The following GALNT9 variants were observed in gnomAD, a reference collection of about 807,000 sequenced individuals.
GALNT9 encodes GalNAc transferase 9.
In GALNT9, 47 loss-of-function variants were observed where a neutral mutation model predicts 63.1. The ratio of observed to expected loss-of-function variants is 0.75; its 90% CI spans 0.59 to 0.95. GALNT9 has a LOEUF of 0.95. GALNT9 is among the 40% of genes least tolerant of loss of function. The pLI is 0.00. For missense variants in GALNT9, 829 were observed against 874.8 expected (o/e 0.95, Z 0.66); for synonymous variants, 396 against 365.7 (o/e 1.08, Z -0.94).
Position 132,201,192 on chromosome 12 carries a change from A to C in GALNT9, c.1333T>G (p.Phe445Val). The C allele has an allele frequency of 6.2e-7, 1 of 1,613,216 alleles. No homozygotes were observed. Among genetic ancestry groups the C allele is most frequent in the Non-Finnish European group, 8.5e-7 (1 of 1,179,418 alleles). The change falls in exon 8 of 11, where the codon TTC becomes GTC. Residue 445 changes from phenylalanine to valine, a missense_variant. Phe to Val is a conservative substitution (Grantham distance 50). Transcript: ENST00000328957. Reference sequence around the variant, plus strand: ...TACACGTTCTCCAGGTACCACTTGAAGCTGCGACACTTCAGCCTCTGACGC... The same window carrying C: ...TACACGTTCTCCAGGTACCACTTGACGCTGCGACACTTCAGCCTCTGACGC... ...ALRQRLKCRS[F>V]KWYLENVYPE...
chr12:132,245,181 C>T lies in GALNT9; in HGVS notation c.1077+2729G>A, dbSNP rs1878662487. Among the ~76,000 whole-genome samples, 1 of 152,054 alleles carries T rather than the reference C, an allele frequency of 6.6e-6. No individual in the cohort carries two copies. Among genetic ancestry groups the T allele is most frequent in the Non-Finnish European group, 1.5e-5 (1 of 67,996 alleles). Reference sequence around the variant, plus strand: ...TGTCAGCCAGGCGTGGTGGTTCACACCTGGAATCCCAGCACTGTGGGAGGC... The same window carrying T: ...TGTCAGCCAGGCGTGGTGGTTCACATCTGGAATCCCAGCACTGTGGGAGGC... On this transcript the variant is annotated intron_variant, in intron 6 of 10. Transcript: ENST00000328957. The surrounding 1 kb of genome is among the most constrained non-coding windows in gnomAD (Gnocchi z 6.3).
At position 132,286,533 on chromosome 12, in the gene GALNT9, G is replaced by A. The variant is rs782100211; in HGVS notation, c.239-103C>T. 1.2e-4 allele frequency: 170 copies of A among 1,438,412 alleles called. No homozygotes were observed. The highest frequency in any genetic ancestry group is 7.0e-4 in the East Asian group (28 of 39,954). 89.1% of individuals were successfully genotyped at this position (1,438,412 alleles called of 1,614,324 possible). A position where few individuals can be genotyped will look rare whatever the true frequency, so the allele number is the denominator to read the frequency against. On this transcript the variant is annotated intron_variant, in intron 1 of 10. Transcript: ENST00000328957. This position sits in a 1 kb window ranked among gnomAD's most constrained non-coding sequence, Gnocchi z 7.4. ...CCTCTCCCCGACGGCCGCTTCCCCC[G>A]GTACAAGCCCAGCAAACTCCCTGCA...
chr12:132,291,475 TCCACAGCACCCACAA>T (rs1250351748), intron 1 of GALNT9, among the ~76,000 whole-genome samples: 4 of 134,374 alleles, frequency 3.0e-5, no homozygotes, highest in African/African-American at 5.9e-5. Context: ...AGCACCCACG[TCCACAGCACCCACAA>T]CCACAGCGCC....
chr12:132,328,223 C>T (rs899068800), intron 1 of GALNT9, among the ~76,000 whole-genome samples: 2 of 152,194 alleles, frequency 1.3e-5, no homozygotes, highest in East Asian at 1.9e-4. Context: ...TGCTGCTCCT[C>T]GGGCTGACCT....
intron 2 of GALNT9, among the ~76,000 whole-genome samples, chr12:132,264,613 G>A (rs996414055): frequency 6.6e-6 from 1 of 152,240 alleles, no homozygotes; most frequent in Admixed American, 6.5e-5. Context: ...CCTTCCAGGG[G>A]TTTGAGTCCA....
chr12:132,257,603 C>T, intron 5 of GALNT9, 86 bp downstream of exon 5: 1 of 1,036,722 alleles, frequency 9.6e-7, no homozygotes, highest in Non-Finnish European at 1.4e-6. Flanking sequence ...CGGCCCTCAT[C>T]CCTGGCCCTC....
intron 1 of GALNT9, among the ~76,000 whole-genome samples, chr12:132,289,110 A>G (rs1404719873): frequency 3.3e-5 from 5 of 152,180 alleles, no homozygotes; most frequent in Non-Finnish European, 5.9e-5. Flanking sequence ...ATGCGTGGCA[A>G]TCCACACTCA....
intron 6 of GALNT9, among the ~76,000 whole-genome samples, chr12:132,226,603 C>A (rs1877699617): frequency 6.9e-6 from 1 of 145,510 alleles, no homozygotes; most frequent in Non-Finnish European, 1.5e-5. Flanking sequence ...CACCACACAC[C>A]CCACACCCCA....
chr12:132,219,372 G>A (rs10459298), intron 6 of GALNT9, among the ~76,000 whole-genome samples: 90,176 of 152,024 alleles, frequency 0.59, 26,926 homozygotes, highest in East Asian at 0.77. Context: ...GTAACATTAG[G>A]AAACAAGGTG....
Position 132,319,446 on chromosome 12 carries a change from C to A in GALNT9, c.238+9520G>T, listed in dbSNP as rs1555245949. Among the ~76,000 whole-genome samples the A allele has an allele frequency of 6.6e-6, 1 of 152,100 alleles. No homozygotes were observed. Among genetic ancestry groups the A allele is most frequent in the Non-Finnish European group, 1.5e-5 (1 of 67,986 alleles). ...GTTATGCCGTTTTCCTCAGCGTGAC[C>A]CTGGCTCTTAGGTCTCTGCACTCAG... On this transcript the variant is annotated intron_variant, in intron 1 of 10. Transcript: ENST00000328957. The surrounding 1 kb of genome is among the most constrained non-coding windows in gnomAD (Gnocchi z 5.2).
intron 4 of GALNT9, among the ~76,000 whole-genome samples, 167 bp from the exon 5 acceptor site, chr12:132,258,053 C>G (rs1879208137): frequency 6.6e-6 from 1 of 152,198 alleles, no homozygotes; most frequent in Admixed American, 6.5e-5. Context: ...CCAAGGGCCC[C>G]TCTCAGCAGC....
At chr12:132,220,068 C>A (rs1300190600) in intron 6 of GALNT9, among the ~76,000 whole-genome samples, 1 of 152,200 alleles carries the variant, frequency 6.6e-6, no homozygotes, top group Admixed American at 6.5e-5. Flanking sequence ...TGGAGTTAAG[C>A]CACAACTTCC....
chr12:132,261,168 G>T (rs781796850), intron 3 of GALNT9, 46 bp from the exon 4 acceptor site: 1 of 1,541,144 alleles, frequency 6.5e-7, no homozygotes, highest in African/African-American at 1.4e-5. Context: ...GCTGGCAGGC[G>T]CGGGGCCACC....
At chr12:132,301,515 C>T (rs1278560069) in intron 1 of GALNT9, among the ~76,000 whole-genome samples, 1 of 152,254 alleles carries the variant, frequency 6.6e-6, no homozygotes, top group Non-Finnish European at 1.5e-5. Flanking sequence ...ATGGGGCTGC[C>T]CCATCGTCGG....
intron 6 of GALNT9, among the ~76,000 whole-genome samples, chr12:132,214,232 C>G (rs997409970): frequency 1.3e-5 from 2 of 152,216 alleles, no homozygotes; most frequent in Non-Finnish European, 1.5e-5. Context: ...CTGTCCCTAA[C>G]CAGGCCAGCG....
rs188576382 is a variant in GALNT9 at position 132,286,608 on chromosome 12, C to A, written c.239-178G>T. The A allele has an allele frequency of 1.3e-4, 150 of 1,127,908 alleles. 2 individuals are homozygous for A. The South Asian group carries it at 2.4e-3, about 18-fold the overall frequency. 69.9% of individuals were successfully genotyped at this position (1,127,908 alleles called of 1,614,324 possible). On this transcript the variant is annotated intron_variant, in intron 1 of 10. Transcript: ENST00000328957. The surrounding 1 kb of genome is among the most constrained non-coding windows in gnomAD (Gnocchi z 7.4). ...ATTCCAGAAAGTGCAAGGCTGTGCG[C>A]GGAGTGAGAGGGCGGTGCCAGGCGG...
At position 132,267,547 on chromosome 12, in the gene GALNT9, C is replaced by G. The variant is rs551134549; in HGVS notation, c.420-4922G>C. On this transcript the variant is annotated intron_variant, in intron 2 of 10. Coordinates refer to ENST00000328957, the MANE Select transcript of GALNT9 (RefSeq NM_001122636.2). The stretch of plus-strand genomic sequence containing the variant: ...GAAATTCATGTGGAAATGCAAAGGA[C>G]CTTGGAGAGCCAAAGCAATCTTGAA... Among the ~76,000 whole-genome samples the G allele has an allele frequency of 8.5e-5, 13 of 152,268 alleles. No homozygotes were observed. In the South Asian group the frequency reaches 2.7e-3, roughly 32 times the overall value.
chr12:132,258,307 T>C (rs1351838285), intron 4 of GALNT9, among the ~76,000 whole-genome samples: 2 of 152,150 alleles, frequency 1.3e-5, no homozygotes, highest in South Asian at 2.1e-4. Flanking sequence ...TTTGCAAGAA[T>C]TAATTGAGGA....
intron 6 of GALNT9, among the ~76,000 whole-genome samples, chr12:132,243,164 C>T (rs199918001): frequency 6.7e-5 from 8 of 119,814 alleles, no homozygotes; most frequent in African/African-American, 1.3e-4. Flanking sequence ...TCCCGGGGCC[C>T]TCCCTATACC....
Sources: gnomAD v4.1 joint callset for allele counts (sites outside exome capture counted in the v4.1 genomes callset) on GRCh38, gnomAD v4.1.1 for gene constraint, Gnocchi (gnomAD v3.1) non-coding constraint, MANE v1.5 for transcripts, NCBI Gene and HGNC (gene_info 2026-07-23, HGNC 2026-07-21) for gene names.